EXOSC2: variants seen among roughly 807,000 people sequenced by gnomAD.
The protein encoded by EXOSC2 is exosome component 2.
EXOSC2 carries 29 observed loss-of-function variants against 37.6 expected under a neutral mutation model. The observed-to-expected ratio is 0.77, with a 90% CI of 0.57 to 1.05. EXOSC2 has a LOEUF of 1.05. Among genes scored for constraint, EXOSC2 ranks in the 50% least tolerant of loss-of-function variants. EXOSC2 has a pLI of 0.00. For synonymous variants in EXOSC2, 119 were observed against 131.1 expected, an observed-to-expected ratio of 0.91 and a Z score of 0.63; for missense variants, 346 against 365.6, an observed-to-expected ratio of 0.95 and a Z score of 0.44.
At position 130,700,484 on chromosome 9, in the gene EXOSC2, T is replaced by C. The variant is rs558113671; in HGVS notation, c.427-383T>C. Among the ~76,000 whole-genome samples, 24 of 151,924 alleles carry C rather than the reference T, an allele frequency of 1.6e-4. No individual in the cohort carries two copies. In the East Asian group the frequency reaches 4.1e-3, roughly 26 times the overall value. On this transcript the variant is annotated intron_variant, in intron 5 of 8. Transcript: ENST00000372358. ...AAGCGATTCTCCTGCCTCAGCCTCC[T>C]GAGTAGCTGGGATTACAGGCATGCG...
In EXOSC2 at chr9:130,703,791, C is replaced by A; in HGVS notation, c.*17C>A. On this transcript the variant is annotated 3_prime_UTR_variant, in exon 9 of 9. Coordinates refer to ENST00000372358, the MANE Select transcript of EXOSC2 (RefSeq NM_014285.7). ...GAGGGATAAGGAGGTGCTCCAGAAG[C>A]ACGGGACTGTGGACCTTGCAGGAGT... 1 of 1,606,750 alleles carries A rather than the reference C, an allele frequency of 6.2e-7. No homozygotes were observed. The highest frequency in any genetic ancestry group is 8.5e-7 in the Non-Finnish European group (1 of 1,174,326).
chr9:130,701,549 G>A (rs1260993984), intron 6 of EXOSC2: 4 of 983,650 alleles, frequency 4.1e-6, no homozygotes, highest in Non-Finnish European at 4.8e-6. Flanking sequence ...CCTTAATGGA[G>A]TGGCTGCAGA....
rs1276417412 is a variant in EXOSC2, at chr9:130,703,133, G to A, written c.753G>A (p.Leu251=). 1 of 1,613,984 alleles carries A rather than the reference G, an allele frequency of 6.2e-7. No individual in the cohort carries two copies. The highest frequency in any genetic ancestry group is 8.5e-7 in the Non-Finnish European group (1 of 1,179,934). The change falls in exon 8 of 9, where the codon CTG becomes CTA. Residue 251 remains leucine (L), a synonymous_variant. Transcript: ENST00000372358. ...IISLVTQRMM[L]YDTSILYCYE... The stretch of plus-strand genomic sequence containing the variant: ...CGCTGGTAACTCAGAGGATGATGCT[G>A]TATGATACCAGCATCCTGTACTGCT...
intron 6 of EXOSC2, 181 bp from the exon 7 acceptor site, chr9:130,701,953 A>C (rs1205194141): frequency 7.1e-7 from 1 of 1,412,250 alleles, no homozygotes; most frequent in Non-Finnish European, 9.2e-7. Flanking sequence ...ATGTATGAAT[A>C]GCCTCTGAGT....
At chr9:130,701,236 A>G (rs946530082) in intron 6 of EXOSC2, 6 of 326,146 alleles carry the variant, frequency 1.8e-5, no homozygotes, top group Non-Finnish European at 3.5e-5. Context: ...CTCTTCCTCC[A>G]GGGGGCGCTG....
chr9:130,693,817 T>C lies in EXOSC2; in HGVS notation c.26T>C (p.Val9Ala). Reference sequence around the variant, plus strand: ...ATGGCGATGGAGATGAGGCTTCCAGTGGCTCGCAAGCCTCTTAGCGAGAGA... The same window carrying C: ...ATGGCGATGGAGATGAGGCTTCCAGCGGCTCGCAAGCCTCTTAGCGAGAGA... Reference protein sequence around the residue: MAMEMRLPVARKPLSERLG... With the variant: MAMEMRLPAARKPLSERLG... Residue 9 changes from valine (V) to alanine (A), a missense_variant, in exon 1 of 9, where the codon GTG becomes GCG. By Grantham distance (64) the Val-to-Ala change is moderately conservative (BLOSUM62 0). Coordinates refer to ENST00000372358, the MANE Select transcript of EXOSC2 (RefSeq NM_014285.7). The C allele has an allele frequency of 1.2e-6, 2 of 1,609,130 alleles. No homozygotes were observed. Among genetic ancestry groups the C allele is most frequent in the Middle Eastern group, 1.7e-4 (1 of 6,040 alleles).
intron 6 of EXOSC2, chr9:130,701,568 T>G (rs747436929): frequency 1.6e-5 from 16 of 985,874 alleles, no homozygotes; most frequent in Non-Finnish European, 1.9e-5. Context: ...GACAGCCACG[T>G]TGATGTACAT....
At chr9:130,697,826 C>T in intron 3 of EXOSC2, 199 bp downstream of exon 3, 1 of 585,602 alleles carries the variant, frequency 1.7e-6, no homozygotes, top group South Asian at 2.0e-5. Context: ...TGGAGTCTCG[C>T]TCTGTCGCCC....
chr9:130,703,904 C>T lies in EXOSC2; in HGVS notation c.*130C>T. ...TCTGCATTGACGGCCCTGTGACGGC[C>T]TCCAGCCCACAGGCCTGCTTTCTCC... On this transcript the variant is annotated 3_prime_UTR_variant, in exon 9 of 9. Coordinates refer to ENST00000372358, the MANE Select transcript of EXOSC2 (RefSeq NM_014285.7). The T allele has an allele frequency of 1.4e-6, 1 of 711,226 alleles. No individual in the cohort carries two copies. Among genetic ancestry groups the T allele is most frequent in the Non-Finnish European group, 2.3e-6 (1 of 431,852 alleles). 44.1% of individuals were successfully genotyped at this position (711,226 alleles called of 1,614,324 possible).
In EXOSC2 at chr9:130,703,109, G is replaced by A. The variant is rs376732746; in HGVS notation, c.729G>A (p.Ser243=). 9 of 1,613,650 alleles carry A rather than the reference G, an allele frequency of 5.6e-6. No individual in the cohort carries two copies. Among genetic ancestry groups the A allele is most frequent in the East Asian group, 2.2e-5 (1 of 44,876 alleles). ...VISRLRNCII[S]LVTQRMMLYD... Reference sequence around the variant, plus strand: ...CCCGGCTTCGGAACTGCATCATCTCGCTGGTAACTCAGAGGATGATGCTGT... The same window carrying A: ...CCCGGCTTCGGAACTGCATCATCTCACTGGTAACTCAGAGGATGATGCTGT... Residue 243 remains serine (S), a synonymous_variant, in exon 8 of 9, where the codon TCG becomes TCA. Transcript: ENST00000372358.
Position 130,698,118 on chromosome 9 carries a change from C to G in EXOSC2, c.271-44C>G. ...CTTACTGGTTATTTATGATATGACA[C>G]ATGAACATGGAGCATGTGTCCAGGT... is the stretch of plus-strand genomic sequence containing the variant. On this transcript the variant is annotated intron_variant, in intron 3 of 8. Coordinates refer to ENST00000372358, the MANE Select transcript of EXOSC2 (RefSeq NM_014285.7). The surrounding 1 kb of genome is among the most constrained non-coding windows in gnomAD (Gnocchi z 4.1). 6.4e-7 allele frequency: 1 copy of G among 1,568,108 alleles called. No homozygotes were observed. Among genetic ancestry groups the G allele is most frequent in the Non-Finnish European group, 8.8e-7 (1 of 1,138,572 alleles).
At position 130,704,821 on chromosome 9, in the gene EXOSC2, G is replaced by T. The variant is rs1463565211; in HGVS notation, c.*1047G>T. The T allele has an allele frequency of 6.6e-6, 1 of 152,160 alleles. No homozygotes were observed. Among genetic ancestry groups the T allele is most frequent in the Admixed American group, 6.6e-5 (1 of 15,260 alleles). 9.4% of individuals were successfully genotyped at this position (152,160 alleles called of 1,614,324 possible). A position where few individuals can be genotyped will look rare whatever the true frequency, so the allele number is the denominator to read the frequency against. ...GGAGCATTAACTTGTGGATGATTCA[G>T]AGTTAAAAGATAAAAAGACGCCAGA... On this transcript the variant is annotated 3_prime_UTR_variant, in exon 9 of 9. Transcript: ENST00000372358.
rs1156776888 is a variant in EXOSC2, at chr9:130,701,940, G to T, written c.496-194G>T. On this transcript the variant is annotated intron_variant, in intron 6 of 8. Coordinates refer to ENST00000372358, the MANE Select transcript of EXOSC2 (RefSeq NM_014285.7). ...AGAGTATTGAAGGTCACCTTCTGCT[G>T]GGATGTATGAATAGCCTCTGAGTCC... 6 of 1,404,194 alleles carry T rather than the reference G, an allele frequency of 4.3e-6. No individual in the cohort carries two copies. The East Asian group carries it at 1.3e-4, about 31-fold the overall frequency. 87.0% of individuals were successfully genotyped at this position (1,404,194 alleles called of 1,614,324 possible).
At chr9:130,697,885 C>G (rs953313936) in intron 3 of EXOSC2, 145 of 541,802 alleles carry the variant, frequency 2.7e-4, no homozygotes, top group South Asian at 7.5e-4. Flanking sequence ...CCTCCACCTC[C>G]CAGGTTCAAG....
chr9:130,703,277 A>G (rs1182399130), intron 8 of EXOSC2, 96 bp downstream of exon 8: 8 of 1,411,996 alleles, frequency 5.7e-6, no homozygotes, highest in Admixed American at 2.1e-5. Context: ...TACTTTCCCA[A>G]CATCCGTCAG....
intron 4 of EXOSC2, among the ~76,000 whole-genome samples, chr9:130,699,085 G>T (rs910632869): frequency 1.6e-4 from 25 of 152,196 alleles, no homozygotes; most frequent in African/African-American, 5.5e-4. Flanking sequence ...ATTGGGAGGG[G>T]TCTGAATGTT....
intron 4 of EXOSC2, among the ~76,000 whole-genome samples, chr9:130,699,099 C>G (rs1450498738): frequency 2.6e-5 from 4 of 152,086 alleles, no homozygotes; most frequent in Non-Finnish European, 5.9e-5. Context: ...GAATGTTCCT[C>G]AGAGAAGGGA....
At chr9:130,700,364 TATTTA>T (rs1564257666) in intron 5 of EXOSC2, among the ~76,000 whole-genome samples, 4 of 147,754 alleles carry the variant, frequency 2.7e-5, no homozygotes, top group African/African-American at 1.0e-4. Flanking sequence ...TTTATTTATT[TATTTA>T]TTTTTTTGAG....
chr9:130,700,737 A>T (rs1333362671), intron 5 of EXOSC2, 130 bp from the exon 6 acceptor site: 1 of 743,732 alleles, frequency 1.3e-6, no homozygotes, highest in East Asian at 2.6e-5. Context: ...GCTCTGGGTC[A>T]AAGATTGTTG....
Sources: allele counts gnomAD v4.1 joint callset (sites outside exome capture counted in the v4.1 genomes callset), GRCh38; gene constraint gnomAD v4.1.1; non-coding constraint Gnocchi (gnomAD v3.1); transcripts MANE v1.5; gene names NCBI Gene and HGNC (gene_info 2026-07-23, HGNC 2026-07-21).